PRDM16: variants seen among roughly 807,000 people sequenced by gnomAD.
PRDM16 encodes the protein PR/SET domain 16, also known as histone-lysine N-methyltransferase PRDM16.
Under a neutral mutation model 110.6 loss-of-function variants are expected in PRDM16, and 23 were observed. The observed-to-expected ratio is 0.21, with a 90% CI of 0.15 to 0.29. The LOEUF (loss-of-function observed/expected upper bound fraction) is 0.29, where lower values mean the gene tolerates loss of function less well. PRDM16 is among the 10% of genes least tolerant of loss of function. PRDM16 has a pLI of 1.00. For synonymous variants in PRDM16, 799 were observed against 781.8 expected (o/e 1.02, Z -0.37); for missense variants, 1,615 against 1,794.3 (o/e 0.90, Z 1.81).
chr1:3,328,556 A>C (rs1641971919), intron 3 of PRDM16, among the ~76,000 whole-genome samples: 1 of 152,274 alleles, frequency 6.6e-6, no homozygotes, highest in East Asian at 1.9e-4. Context: ...CTGTGCTGCC[A>C]GCCGAGGGGT....
chr1:3,279,021 C>T (rs1331867321), intron 3 of PRDM16, among the ~76,000 whole-genome samples: 11 of 152,208 alleles, frequency 7.2e-5, no homozygotes, highest in Admixed American at 4.6e-4. Context: ...GCCCTGTCCA[C>T]CTTTGGGGCA....
intron 1 of PRDM16, among the ~76,000 whole-genome samples, chr1:3,134,003 G>A (rs952693543): frequency 2.6e-5 from 4 of 152,218 alleles, no homozygotes; most frequent in African/African-American, 9.6e-5. Context: ...CCCCAAGACT[G>A]CAAAGCACTG....
chr1:3,284,613 C>T (rs1244754667), intron 3 of PRDM16, among the ~76,000 whole-genome samples: 1 of 152,248 alleles, frequency 6.6e-6, no homozygotes, highest in Non-Finnish European at 1.5e-5. Context: ...GGGAGCCCCA[C>T]ACCCTGAGAA....
intron 3 of PRDM16, among the ~76,000 whole-genome samples, chr1:3,289,358 C>T (rs1022928410): frequency 4.6e-5 from 7 of 152,242 alleles, no homozygotes; most frequent in South Asian, 2.1e-4. Flanking sequence ...CGATGCCCGC[C>T]GGAGTCTGAA....
intron 3 of PRDM16, among the ~76,000 whole-genome samples, chr1:3,252,686 G>A (rs538385960): frequency 2.6e-5 from 4 of 152,188 alleles, no homozygotes; most frequent in African/African-American, 7.2e-5. Flanking sequence ...TCCCGGGCTC[G>A]TGTTCCATGA....
At chr1:3,429,411 A>T (rs975416217) in intron 14 of PRDM16, among the ~76,000 whole-genome samples, 3 of 152,250 alleles carry the variant, frequency 2.0e-5, no homozygotes, top group Non-Finnish European at 4.4e-5. Flanking sequence ...CCCTGCCCCC[A>T]GCTGGTGGGA....
At chr1:3,297,580 G>A (rs1362742475) in intron 3 of PRDM16, among the ~76,000 whole-genome samples, 12 of 152,208 alleles carry the variant, frequency 7.9e-5, no homozygotes, top group African/African-American at 2.6e-4. Flanking sequence ...CACTGCGCCC[G>A]GCCTGATGAG....
intron 2 of PRDM16, among the ~76,000 whole-genome samples, chr1:3,235,889 C>G (rs1413836689): frequency 2.0e-5 from 3 of 152,176 alleles, no homozygotes; most frequent in Admixed American, 2.0e-4. Context: ...AGCAGCCCAT[C>G]GAGCATGGCG....
rs762291683 is a variant in PRDM16, at chr1:3,432,117, C to T, written c.3673C>T (p.Leu1225=). 2.5e-6 allele frequency: 4 copies of T among 1,613,770 alleles called. No individual in the cohort carries two copies. Among genetic ancestry groups the T allele is most frequent in the African/African-American group, 2.7e-5 (2 of 74,946 alleles). Residue 1225 remains leucine (L), a synonymous_variant, in exon 16 of 17, where the codon CTG becomes TTG. Transcript: ENST00000270722. ...TLDSEALKHT[L]CRQAKNQAYA... is the part of the protein sequence containing the mutation. ...AGATTCTGAGGCTTTAAAACATACACTGTGCAGGCAGGCTAAGAACCAGGT... is the reference window on the plus strand; with the variant it reads ...AGATTCTGAGGCTTTAAAACATACATTGTGCAGGCAGGCTAAGAACCAGGT...
intron 1 of PRDM16, among the ~76,000 whole-genome samples, chr1:3,142,969 G>A (rs891226992): frequency 2.6e-5 from 4 of 152,232 alleles, no homozygotes; most frequent in Admixed American, 2.6e-4. Flanking sequence ...TGATCTCTCG[G>A]CAACAGCTTT....
intron 1 of PRDM16, among the ~76,000 whole-genome samples, chr1:3,159,319 C>CCTTGATGCT (rs1460761518): frequency 6.6e-6 from 1 of 152,262 alleles, no homozygotes; most frequent in Non-Finnish European, 1.5e-5. Flanking sequence ...GCCTCGCAGA[C>CCTTGATGCT]CGCAGGGCTT....
At chr1:3,380,525 G>A (rs900494059) in intron 3 of PRDM16, among the ~76,000 whole-genome samples, 20 of 152,092 alleles carry the variant, frequency 1.3e-4, no homozygotes, top group Non-Finnish European at 7.4e-5. Flanking sequence ...GCGTGTACTC[G>A]GGACCAGGAC....
chr1:3,181,559 TACACACGCAGTCTTACAC>T (rs1644189804), intron 1 of PRDM16, among the ~76,000 whole-genome samples: 5 of 134,336 alleles, frequency 3.7e-5, no homozygotes, highest in African/African-American at 8.8e-5. Context: ...CACGCAGTCT[TACACACGCAGTCTTACAC>T]ACGGTCTTAC....
chr1:3,194,896 C>T (rs1240307751), intron 2 of PRDM16, among the ~76,000 whole-genome samples: 4 of 152,226 alleles, frequency 2.6e-5, no homozygotes, highest in South Asian at 2.1e-4. Flanking sequence ...GGCCCCGGGA[C>T]GTGGCCTGGC....
intron 1 of PRDM16, among the ~76,000 whole-genome samples, chr1:3,082,522 C>A (rs1477931003): frequency 6.6e-6 from 1 of 152,192 alleles, no homozygotes; most frequent in Non-Finnish European, 1.5e-5. Flanking sequence ...GATGGGGTTC[C>A]GGGGAAACCT....
chr1:3,295,093 C>A (rs1488991435), intron 3 of PRDM16, among the ~76,000 whole-genome samples: 2 of 152,210 alleles, frequency 1.3e-5, no homozygotes, highest in African/African-American at 4.8e-5. Context: ...TATTTAAAAG[C>A]CACCTCTGCC....
At chr1:3,431,187 C>G in intron 15 of PRDM16, 79 bp downstream of exon 15, 1 of 1,504,410 alleles carries the variant, frequency 6.6e-7, no homozygotes, top group Non-Finnish European at 8.9e-7. Context: ...CCCTCTTCAG[C>G]CACTCGTGAG....
At chr1:3,322,815 C>T (rs375526269) in intron 3 of PRDM16, among the ~76,000 whole-genome samples, 3 of 152,216 alleles carry the variant, frequency 2.0e-5, no homozygotes, top group African/African-American at 7.2e-5. Context: ...CCACCCTGTT[C>T]GTGCCCCAGG....
At chr1:3,107,546 C>A (rs1642686023) in intron 1 of PRDM16, among the ~76,000 whole-genome samples, 1 of 152,228 alleles carries the variant, frequency 6.6e-6, no homozygotes, top group Non-Finnish European at 1.5e-5. Flanking sequence ...TTACCGCCAT[C>A]CTCATCTCAG....
Sources: allele counts gnomAD v4.1 joint callset (sites outside exome capture counted in the v4.1 genomes callset), GRCh38; gene constraint gnomAD v4.1.1; transcripts MANE v1.5; gene names NCBI Gene and HGNC (gene_info 2026-07-23, HGNC 2026-07-21).